SUMF1: variants seen among roughly 807,000 people sequenced by gnomAD.
SUMF1 encodes sulfatase modifying factor 1.
A neutral mutation model predicts 47.6 loss-of-function variants in SUMF1; 48 were observed. The observed-to-expected ratio is 1.01, with a 90% CI of 0.80 to 1.28. SUMF1 has a LOEUF of 1.28. Among genes scored for constraint, SUMF1 ranks in the 50% most tolerant of loss-of-function variants. The pLI, the probability that SUMF1 is intolerant of heterozygous loss-of-function variation, is 0.00. For missense variants in SUMF1, 571 were observed against 485.4 expected (o/e 1.18, Z -1.66); for synonymous variants, 230 against 192.1 (o/e 1.20, Z -1.63).
exon 9 of SUMF1, chr3:4,068,617 A>T (rs1037961670): frequency 6.9e-6 from 3 of 432,658 alleles, no homozygotes; most frequent in African/African-American, 4.0e-5. Flanking sequence ...CAATAGCTGC[A>T]TATTGCTGAT....
chr3:4,273,786 C>CAGGGCAGGTCATGATGTTCCTGGT (rs1697356257), intron 8 of SUMF1, among the ~76,000 whole-genome samples: 1 of 12,758 alleles, frequency 7.8e-5, no homozygotes, highest in African/African-American at 3.4e-4. Context: ...GGGGAGGATA[C>CAGGGCAGGTCATGATGTTCCTGGT]GGGAGGGGAG....
chr3:4,134,130 T>C (rs993866793), intron 8 of SUMF1, among the ~76,000 whole-genome samples: 4 of 152,198 alleles, frequency 2.6e-5, no homozygotes, highest in South Asian at 2.1e-4. Context: ...AATAGACATC[T>C]ACAGAACTCT....
intron 1 of SUMF1, among the ~76,000 whole-genome samples, chr3:4,453,533 A>ATT (rs11424980): frequency 0.013 from 1,736 of 138,224 alleles, 18 homozygotes; most frequent in Middle Eastern, 0.036. Flanking sequence ...TGCCCAACTA[A>ATT]TTTTTTTTTT....
intron 8 of SUMF1, among the ~76,000 whole-genome samples, chr3:4,249,476 A>C (rs1043825247): frequency 6.6e-6 from 1 of 152,150 alleles, no homozygotes; most frequent in African/African-American, 2.4e-5. Context: ...GGTGGTCTAT[A>C]ATCAGTAATC....
chr3:4,234,196 C>A (rs1322175563), intron 8 of SUMF1, among the ~76,000 whole-genome samples: 1 of 151,776 alleles, frequency 6.6e-6, no homozygotes, highest in Non-Finnish European at 1.5e-5. Context: ...CCTTTCTGAC[C>A]CTCTGTTTCC....
chr3:4,239,934 C>T (rs552265248), intron 8 of SUMF1, among the ~76,000 whole-genome samples: 50 of 151,540 alleles, frequency 3.3e-4, no homozygotes, highest in Non-Finnish European at 5.0e-4. Flanking sequence ...TATTTTGAGA[C>T]GCATTCCATC....
chr3:4,264,332 G>A (rs2125026906), intron 8 of SUMF1, among the ~76,000 whole-genome samples: 1 of 152,280 alleles, frequency 6.6e-6, no homozygotes, highest in Middle Eastern at 3.4e-3. Context: ...AAGGAGCAGT[G>A]AGACTTTTAA....
At chr3:4,402,915 C>A (rs1701260734) in intron 7 of SUMF1, among the ~76,000 whole-genome samples, 1 of 152,144 alleles carries the variant, frequency 6.6e-6, no homozygotes, top group Non-Finnish European at 1.5e-5. Context: ...CTGAGATCAA[C>A]ACGGGAGAAA....
intron 7 of SUMF1, among the ~76,000 whole-genome samples, chr3:4,379,687 C>A (rs1700439191): frequency 6.6e-6 from 1 of 152,050 alleles, no homozygotes; most frequent in South Asian, 2.1e-4. Flanking sequence ...GCTAAAAATA[C>A]AAAAATTAAC....
chr3:4,159,396 TAAAC>T (rs1694524877), intron 8 of SUMF1, among the ~76,000 whole-genome samples: 1 of 149,280 alleles, frequency 6.7e-6, no homozygotes, highest in African/African-American at 2.6e-5. Context: ...ACTGATTGCA[TAAAC>T]AAACTAACAA....
intron 8 of SUMF1, among the ~76,000 whole-genome samples, chr3:4,340,716 C>T (rs1361426366): frequency 6.6e-6 from 1 of 152,134 alleles, no homozygotes; most frequent in Non-Finnish European, 1.5e-5. Flanking sequence ...GGAGATGGAT[C>T]AGTTGTCGGG....
At chr3:4,183,304 G>T (rs1012334921) in intron 8 of SUMF1, among the ~76,000 whole-genome samples, 1 of 152,160 alleles carries the variant, frequency 6.6e-6, no homozygotes, top group Non-Finnish European at 1.5e-5. Context: ...CAAGTTCATT[G>T]AAATCTAATC....
chr3:4,198,246 T>G (rs1294780549), intron 8 of SUMF1, among the ~76,000 whole-genome samples: 1 of 152,130 alleles, frequency 6.6e-6, no homozygotes, highest in Non-Finnish European at 1.5e-5. Context: ...ATACCTCCTA[T>G]GGAGTAACAT....
intron 8 of SUMF1, among the ~76,000 whole-genome samples, chr3:4,265,093 C>T (rs1261900339): frequency 1.4e-5 from 2 of 142,154 alleles, no homozygotes; most frequent in Admixed American, 7.5e-5. Context: ...GCCAAGATTG[C>T]GCCACTGCAC....
intron 8 of SUMF1, among the ~76,000 whole-genome samples, chr3:4,137,186 G>C (rs1693953533): frequency 6.6e-6 from 1 of 151,936 alleles, no homozygotes; most frequent in Non-Finnish European, 1.5e-5. Context: ...TGTTTACTGA[G>C]GCACTATTCA....
chr3:4,076,353 T>C (rs973003180), intron 8 of SUMF1, among the ~76,000 whole-genome samples: 1 of 152,050 alleles, frequency 6.6e-6, no homozygotes, highest in African/African-American at 2.4e-5. Context: ...TGAACATGGA[T>C]TAAAAACTTA....
intron 8 of SUMF1, chr3:4,317,315 C>G: frequency 3.2e-6 from 3 of 949,330 alleles, no homozygotes; most frequent in Non-Finnish European, 4.6e-6. Flanking sequence ...AGTTTTGCAC[C>G]AACCCAATAT....
intron 8 of SUMF1, among the ~76,000 whole-genome samples, chr3:4,297,564 ATT>A (rs746612402): frequency 0.016 from 1,766 of 113,804 alleles, 25 homozygotes; most frequent in African/African-American, 0.059. Flanking sequence ...CTACACCTGA[ATT>A]TTTTTTTTTT....
intron 8 of SUMF1, among the ~76,000 whole-genome samples, chr3:4,172,598 C>G (rs977944102): frequency 6.6e-6 from 1 of 152,120 alleles, no homozygotes; most frequent in African/African-American, 2.4e-5. Context: ...TAAGATCACA[C>G]AGCTAAGAAT....
Sources: allele counts gnomAD v4.1 joint callset (sites outside exome capture counted in the v4.1 genomes callset), GRCh38; gene constraint gnomAD v4.1.1; transcripts MANE v1.5; gene names NCBI Gene and HGNC (gene_info 2026-07-23, HGNC 2026-07-21).